DNAAF4: variants seen among roughly 807,000 people sequenced by gnomAD.
The protein encoded by DNAAF4 is dynein axonemal assembly factor 4, also known as dynein assembly factor 4, axonemal.
A neutral mutation model predicts 51.8 loss-of-function variants in DNAAF4; 43 were observed. That is an observed-to-expected ratio of 0.83 (90% CI 0.65 to 1.07). The LOEUF (loss-of-function observed/expected upper bound fraction) is 1.07. DNAAF4 is among the 50% of genes least tolerant of loss of function. The pLI, the probability that DNAAF4 is intolerant of heterozygous loss-of-function variation, is 0.00. For missense variants in DNAAF4, 581 were observed against 493.0 expected (o/e 1.18, Z -1.69); for synonymous variants, 194 against 165.6 (o/e 1.17, Z -1.32).
chr15:55,476,536 A>T (rs893689268), intron 4 of DNAAF4, among the ~76,000 whole-genome samples: 3 of 152,222 alleles, frequency 2.0e-5, no homozygotes, highest in Admixed American at 6.5e-5. Flanking sequence ...GAGAAATGGT[A>T]AATATGTGGG....
rs775320064 is a variant in DNAAF4 at position 55,432,549 on chromosome 15, C to G, written c.1101G>C (p.Lys367Asn). 1 of 1,612,798 alleles carries G rather than the reference C, an allele frequency of 6.2e-7. No homozygotes were observed. Among genetic ancestry groups the G allele is most frequent in the Non-Finnish European group, 8.5e-7 (1 of 1,179,158 alleles). The change falls in exon 9 of 10, where the codon AAG (lysine) becomes AAC (asparagine). Residue 367 changes from lysine (K) to asparagine (N), a missense_variant. Coordinates refer to ENST00000321149, the MANE Select transcript of DNAAF4 (RefSeq NM_130810.4). ...PVTDNANARMKAHVRRGTAFC... is the reference protein window; with the variant it reads ...PVTDNANARMNAHVRRGTAFC... ...ATGCTGTTCCACGTCGTACATGTGC[C>G]TTCATTCTTGCATTAGCATTGTCTG... is the stretch of plus-strand genomic sequence containing the variant.
rs61176405 is a variant in DNAAF4 at position 55,465,393 on chromosome 15, TAC to T, written c.637+1535_637+1536del. Among the ~76,000 whole-genome samples, 643 of 149,716 alleles carry T rather than the reference TAC, an allele frequency of 4.3e-3. 6 individuals carry two copies. Among genetic ancestry groups the T allele is most frequent in the African/African-American group, 0.014 (558 of 40,728 alleles). On this transcript the variant is annotated intron_variant, in intron 5 of 9. Transcript: ENST00000321149. ...AGATAAAGAAAATATGGTGTATATA[TAC>T]ACACACACACACACACACACACACA...
At chr15:55,490,769 C>T (rs1296379991) in intron 4 of DNAAF4, among the ~76,000 whole-genome samples, 1 of 152,008 alleles carries the variant, frequency 6.6e-6, no homozygotes, top group African/African-American at 2.4e-5. Context: ...CCGGCTAACA[C>T]GGTGAAACCC....
At chr15:55,419,770 G>T (rs1370225641) in intron 7 of DNAAF4, among the ~76,000 whole-genome samples, 1 of 152,138 alleles carries the variant, frequency 6.6e-6, no homozygotes, top group Admixed American at 6.6e-5. Context: ...CCCGGGGCTG[G>T]TGGATCACCT....
At chr15:55,494,190 C>T (rs556421791) in intron 3 of DNAAF4, among the ~76,000 whole-genome samples, 13 of 151,832 alleles carry the variant, frequency 8.6e-5, no homozygotes, top group African/African-American at 2.4e-4. Flanking sequence ...CCACCATGCC[C>T]GGCTAATTTT....
At chr15:55,487,750 C>A (rs546540428) in intron 4 of DNAAF4, among the ~76,000 whole-genome samples, 1 of 152,128 alleles carries the variant, frequency 6.6e-6, no homozygotes, top group East Asian at 1.9e-4. Flanking sequence ...GACCAAGAAC[C>A]CACCAGAGGG....
At chr15:55,429,483 T>C (rs2057465050), downstream of DNAAF4, among the ~76,000 whole-genome samples, 1 of 139,644 alleles carries the variant, frequency 7.2e-6, no homozygotes, top group Non-Finnish European at 1.5e-5. Flanking sequence ...AGGCCACTGC[T>C]CTCCAGTCTG....
intron 6 of DNAAF4, among the ~76,000 whole-genome samples, chr15:55,449,522 G>C (rs1202561877): frequency 6.7e-6 from 1 of 149,404 alleles, no homozygotes; most frequent in Non-Finnish European, 1.5e-5. Context: ...AAATTAGCCA[G>C]ACATGCTGGC....
intron 1 of DNAAF4, among the ~76,000 whole-genome samples, chr15:55,501,633 C>T (rs567435794): frequency 2.0e-3 from 304 of 151,986 alleles, no homozygotes; most frequent in African/African-American, 6.9e-3. Context: ...CCTCGGCCTC[C>T]CAAAGTGCCG....
chr15:55,425,814 A>G (rs2057425955), downstream of DNAAF4, among the ~76,000 whole-genome samples: 1 of 152,328 alleles, frequency 6.6e-6, no homozygotes, highest in Admixed American at 6.5e-5. Context: ...GATGTGTTAA[A>G]TAAAATGTAT....
At chr15:55,486,244 A>G (rs1595946040) in intron 4 of DNAAF4, among the ~76,000 whole-genome samples, 3 of 143,296 alleles carry the variant, frequency 2.1e-5, no homozygotes, top group Middle Eastern at 7.3e-3. Flanking sequence ...CCCAGGCGGG[A>G]GTGCAATGGC....
rs546259012 is a variant in DNAAF4, at chr15:55,466,783, C to T, written c.637+147G>A. The T allele has an allele frequency of 6.9e-5, 62 of 902,556 alleles. No homozygotes were observed. The African/African-American group carries it at 1.1e-3, about 16-fold the overall frequency. 55.9% of individuals were successfully genotyped at this position (902,556 alleles called of 1,614,324 possible). On this transcript the variant is annotated intron_variant, in intron 5 of 9. Transcript: ENST00000321149. Reference sequence around the variant, plus strand: ...TCATTATCCCCGAAAGAAGAAATGTCTTTACTTTAGTCTTTGTACTGAATT... The same window carrying T: ...TCATTATCCCCGAAAGAAGAAATGTTTTTACTTTAGTCTTTGTACTGAATT...
At chr15:55,499,593 G>A (rs1011385213) in intron 1 of DNAAF4, among the ~76,000 whole-genome samples, 4 of 152,254 alleles carry the variant, frequency 2.6e-5, no homozygotes, top group African/African-American at 7.2e-5. Flanking sequence ...TAAAACTATT[G>A]TATCCTGCAA....
chr15:55,482,894 A>G (rs2058431923), intron 4 of DNAAF4, among the ~76,000 whole-genome samples: 1 of 152,162 alleles, frequency 6.6e-6, no homozygotes, highest in Non-Finnish European at 1.5e-5. Flanking sequence ...AATATGTATA[A>G]GCCCTATATA....
downstream of DNAAF4, among the ~76,000 whole-genome samples, chr15:55,425,845 T>C (rs2057426328): frequency 6.6e-6 from 1 of 152,220 alleles, no homozygotes; most frequent in Admixed American, 6.5e-5. Flanking sequence ...TGATTTGGAC[T>C]GAACCTCTTG....
At chr15:55,449,419 T>C (rs542086228) in intron 6 of DNAAF4, among the ~76,000 whole-genome samples, 44 of 150,732 alleles carry the variant, frequency 2.9e-4, no homozygotes, top group East Asian at 2.5e-3. Flanking sequence ...TCCCAGCACA[T>C]TGGGAGGCCG....
intron 5 of DNAAF4, among the ~76,000 whole-genome samples, chr15:55,465,038 A>G (rs994163906): frequency 1.2e-4 from 18 of 152,342 alleles, no homozygotes; most frequent in Middle Eastern, 3.4e-3. Flanking sequence ...ATGCAAATCA[A>G]AACCACAATG....
At chr15:55,436,859 C>A (rs563848152) in intron 7 of DNAAF4, among the ~76,000 whole-genome samples, 1 of 151,726 alleles carries the variant, frequency 6.6e-6, no homozygotes, top group African/African-American at 2.4e-5. Context: ...CTCACTCTGT[C>A]GCCCAGGCTG....
rs138100130 is a variant in DNAAF4 at position 55,498,264 on chromosome 15, G to A, written c.66C>T (p.Pro22=). 2.2e-5 allele frequency: 36 copies of A among 1,613,630 alleles called. No individual in the cohort carries two copies. Among genetic ancestry groups the A allele is most frequent in the Admixed American group, 3.3e-5 (2 of 59,944 alleles). Residue 22 remains proline (P), a synonymous_variant, in exon 2 of 10, where the codon CCC becomes CCT. Coordinates refer to ENST00000321149, the MANE Select transcript of DNAAF4 (RefSeq NM_130810.4). ...QTKTAVFLSL[P]LKGVCVRDTD... ...TGTCTCTGACGCACACGCCTTTGAGGGGCAGAGACAGAAAGACCGCAGTCT... is the reference window on the plus strand; with the variant it reads ...TGTCTCTGACGCACACGCCTTTGAGAGGCAGAGACAGAAAGACCGCAGTCT...
Sources: gnomAD v4.1 joint callset for allele counts (sites outside exome capture counted in the v4.1 genomes callset) on GRCh38, gnomAD v4.1.1 for gene constraint, MANE v1.5 for transcripts, NCBI Gene and HGNC (gene_info 2026-07-23, HGNC 2026-07-21) for gene names.